Variants in PDE10A observed in about 807,000 individuals in gnomAD.
PDE10A encodes cAMP and cAMP-inhibited cGMP 3',5'-cyclic phosphodiesterase 10A.
Under a neutral mutation model 97.7 loss-of-function variants are expected in PDE10A, and 39 were observed. The ratio of observed to expected loss-of-function variants is 0.40; its 90% confidence interval spans 0.31 to 0.52. PDE10A has a LOEUF of 0.52. Ranked by LOEUF, PDE10A falls within the 20% of genes least tolerant of loss-of-function variation. The pLI is 0.56. For synonymous variants in PDE10A, 371 were observed against 376.8 expected (o/e 0.98, Z 0.18); for missense variants, 731 against 1,047.8 (o/e 0.70, Z 4.17).
intron 1 of PDE10A, among the ~76,000 whole-genome samples, chr6:165,693,913 GT>G (rs544319927): frequency 6.6e-6 from 1 of 151,954 alleles, no homozygotes; most frequent in South Asian, 2.1e-4. Flanking sequence ...AGTTTTAGAA[GT>G]TTTTTTTCCA....
Position 165,469,211 on chromosome 6 carries a change from T to A in PDE10A, c.1023+13104A>T, listed in dbSNP as rs375917217. ...TTAAAAGACAAACGGTTCGCGTCTG[T>A]AATCTGTTGTTAAGATTATGGGTTT... is the stretch of plus-strand genomic sequence containing the variant. On this transcript the variant is annotated intron_variant, in intron 3 of 21. Coordinates refer to ENST00000539869, the MANE Select transcript of PDE10A (RefSeq NM_001385079.1). 3.3e-5 allele frequency among the ~76,000 whole-genome samples: 5 copies of A among 152,338 alleles called. No homozygotes were observed. In the East Asian group the frequency reaches 7.7e-4, roughly 23 times the overall value.
chr6:165,443,972 G>A (rs1790658537), intron 5 of PDE10A, among the ~76,000 whole-genome samples: 1 of 152,180 alleles, frequency 6.6e-6, no homozygotes. Flanking sequence ...TGCAGCCAGT[G>A]GCTTGAATTT....
intron 1 of PDE10A, among the ~76,000 whole-genome samples, chr6:165,725,389 G>A (rs78078307): frequency 6.6e-6 from 1 of 152,208 alleles, no homozygotes; most frequent in Non-Finnish European, 1.5e-5. Flanking sequence ...ACCCTAGAGG[G>A]TGCCATGGGG....
intron 1 of PDE10A, among the ~76,000 whole-genome samples, chr6:165,893,807 GCAA>G (rs1356852832): frequency 6.7e-6 from 1 of 150,060 alleles, no homozygotes; most frequent in Non-Finnish European, 1.5e-5. Flanking sequence ...GGTTTGAATC[GCAA>G]CAACATTAGT....
In PDE10A at chr6:165,655,816, C is replaced by T. The variant is rs77954972; in HGVS notation, c.865+6131G>A. ...ACAAAGCCTTCATCCGGCCCATTTG[C>T]CACTTCACTTGCCACTGCCTGGTGG... On this transcript the variant is annotated intron_variant, in intron 1 of 21. Coordinates refer to ENST00000539869, the MANE Select transcript of PDE10A (RefSeq NM_001385079.1). This position sits in a 1 kb window ranked among gnomAD's most constrained non-coding sequence, Gnocchi z 4.5. Among the ~76,000 whole-genome samples the T allele has an allele frequency of 6.4e-4, 98 of 152,256 alleles. No individual in the cohort carries two copies. In the East Asian group the frequency reaches 0.015, roughly 23 times the overall value.
chr6:165,916,959 A>G (rs1782622602), intron 1 of PDE10A, among the ~76,000 whole-genome samples: 1 of 152,122 alleles, frequency 6.6e-6, no homozygotes, highest in Non-Finnish European at 1.5e-5. Flanking sequence ...AGGCAGCAGA[A>G]TACCCAATGA....
intron 17 of PDE10A, among the ~76,000 whole-genome samples, chr6:165,380,564 A>G (rs917442361): frequency 3.4e-4 from 51 of 152,222 alleles, no homozygotes; most frequent in African/African-American, 1.2e-3. Flanking sequence ...AAGACCTTAC[A>G]TTTGTAGAAA....
intron 1 of PDE10A, among the ~76,000 whole-genome samples, chr6:165,639,211 C>T (rs921232481): frequency 3.9e-5 from 6 of 152,092 alleles, no homozygotes; most frequent in African/African-American, 1.4e-4. Flanking sequence ...CCTAGGAGTC[C>T]ACAACCAATG....
At chr6:165,646,175 G>A (rs746856015) in intron 1 of PDE10A, among the ~76,000 whole-genome samples, 24 of 152,188 alleles carry the variant, frequency 1.6e-4, no homozygotes, top group Non-Finnish European at 2.9e-4. Flanking sequence ...GTGCAAGGAC[G>A]TTCATTTATA....
chr6:165,447,908 GC>G (rs1483897984), intron 5 of PDE10A, among the ~76,000 whole-genome samples: 5 of 152,108 alleles, frequency 3.3e-5, no homozygotes, highest in African/African-American at 1.2e-4. Flanking sequence ...GAAAACAGTG[GC>G]CATGGAAATG....
At chr6:165,716,573 G>T (rs1385888066) in intron 1 of PDE10A, among the ~76,000 whole-genome samples, 2 of 152,238 alleles carry the variant, frequency 1.3e-5, no homozygotes, top group Admixed American at 6.5e-5. Context: ...AAACGAGCCT[G>T]TTTGAGAAGA....
chr6:165,941,218 C>G (rs956308318), intron 1 of PDE10A, among the ~76,000 whole-genome samples: 6 of 152,226 alleles, frequency 3.9e-5, no homozygotes, highest in Admixed American at 2.0e-4. Flanking sequence ...CCAGATGATA[C>G]CAGTAAAACA....
At chr6:165,463,808 G>A (rs555658873) in intron 3 of PDE10A, among the ~76,000 whole-genome samples, 1 of 152,312 alleles carries the variant, frequency 6.6e-6, no homozygotes, top group Non-Finnish European at 1.5e-5. Context: ...ATGAGGGCAA[G>A]GAATACCTGG....
intron 18 of PDE10A, among the ~76,000 whole-genome samples, chr6:165,368,605 T>C (rs894928615): frequency 1.3e-5 from 2 of 151,908 alleles, no homozygotes; most frequent in Non-Finnish European, 2.9e-5. Flanking sequence ...CCAACACAAA[T>C]AGCTCAAAAT....
intron 12 of PDE10A, among the ~76,000 whole-genome samples, chr6:165,414,011 G>A (rs982174976): frequency 8.5e-5 from 13 of 152,136 alleles, no homozygotes; most frequent in African/African-American, 1.2e-4. Flanking sequence ...TGGATTCAGA[G>A]GAGAAATACA....
At chr6:165,368,504 C>T (rs1181189598) in intron 18 of PDE10A, among the ~76,000 whole-genome samples, 3 of 151,960 alleles carry the variant, frequency 2.0e-5, no homozygotes, top group Non-Finnish European at 4.4e-5. Flanking sequence ...AATAAAAATG[C>T]ATACTGTAAA....
At chr6:165,574,491 T>C in intron 1 of PDE10A, among the ~76,000 whole-genome samples, 1 of 152,156 alleles carries the variant, frequency 6.6e-6, no homozygotes, top group East Asian at 1.9e-4. Flanking sequence ...AGACAGAAAC[T>C]GTCTCATAAA....
intron 1 of PDE10A, among the ~76,000 whole-genome samples, chr6:165,913,163 C>T (rs1782507643): frequency 1.3e-5 from 2 of 151,958 alleles, no homozygotes; most frequent in Non-Finnish European, 2.9e-5. Context: ...GACTTGGATC[C>T]CATCCCCAAG....
At chr6:165,721,999 G>T (rs1017739155) in intron 1 of PDE10A, among the ~76,000 whole-genome samples, 3 of 152,088 alleles carry the variant, frequency 2.0e-5, no homozygotes, top group Non-Finnish European at 4.4e-5. Flanking sequence ...AAAAGCTAAG[G>T]ATTCCAAGGT....
Sources: allele counts gnomAD v4.1 joint callset (sites outside exome capture counted in the v4.1 genomes callset), GRCh38; gene constraint gnomAD v4.1.1; non-coding constraint Gnocchi (gnomAD v3.1); transcripts MANE v1.5; gene names NCBI Gene and HGNC (gene_info 2026-07-23, HGNC 2026-07-21).